Variants in RASSF2 observed in about 807,000 individuals in gnomAD.
The protein encoded by RASSF2 is Ras association domain family member 2.
In RASSF2, 34 loss-of-function variants were observed where a neutral mutation model predicts 46.3. The ratio of observed to expected loss-of-function variants is 0.73; its 90% confidence interval spans 0.56 to 0.98. RASSF2 has a LOEUF of 0.98. RASSF2 is among the 50% of genes least tolerant of loss of function. RASSF2 has a pLI of 0.00. For missense variants in RASSF2, 364 were observed against 431.2 expected, an observed-to-expected ratio of 0.84 and a Z score of 1.38; for synonymous variants, 158 against 162.5, an observed-to-expected ratio of 0.97 and a Z score of 0.21.
intron 2 of RASSF2, among the ~76,000 whole-genome samples, chr20:4,816,181 G>A (rs912291553): frequency 6.6e-6 from 1 of 152,034 alleles, no homozygotes; most frequent in Non-Finnish European, 1.5e-5. Context: ...TGCACCTGTA[G>A]TCCCAGCTAC....
rs1411888351 is a variant in RASSF2 at position 4,781,215 on chromosome 20, T to C, written c.*3058A>G. 1 of 118,718 alleles carries C rather than the reference T, an allele frequency of 8.4e-6. No homozygotes were observed. Among genetic ancestry groups the C allele is most frequent in the East Asian group, 2.6e-4 (1 of 3,840 alleles). 7.4% of individuals were successfully genotyped at this position (118,718 alleles called of 1,614,324 possible). ...GACTTCTTGTTGAGACTTTTTTGCA[T>C]GGAAAACAGATATTTTGGGGGGGGC... is the stretch of plus-strand genomic sequence containing the variant. On this transcript the variant is annotated 3_prime_UTR_variant, in exon 12 of 12. Coordinates refer to ENST00000379400, the MANE Select transcript of RASSF2 (RefSeq NM_014737.3).
chr20:4,821,950 C>T (rs906766174), intron 2 of RASSF2, among the ~76,000 whole-genome samples: 28 of 152,244 alleles, frequency 1.8e-4, no homozygotes, highest in Non-Finnish European at 3.8e-4. Flanking sequence ...AGGTAGATGT[C>T]ACACTGTGTC....
chr20:4,814,659 G>T (rs747340936), intron 2 of RASSF2, among the ~76,000 whole-genome samples: 1 of 152,152 alleles, frequency 6.6e-6, no homozygotes, highest in Non-Finnish European at 1.5e-5. Flanking sequence ...TGGTCGGGGC[G>T]GCAGTCATTG....
At chr20:4,807,625 C>A (rs901494926) in intron 2 of RASSF2, among the ~76,000 whole-genome samples, 1 of 152,192 alleles carries the variant, frequency 6.6e-6, no homozygotes, top group Non-Finnish European at 1.5e-5. Context: ...ATGGCCCCGA[C>A]TGTGGGAATT....
intron 2 of RASSF2, among the ~76,000 whole-genome samples, chr20:4,802,225 C>T (rs1179840791): frequency 6.6e-6 from 1 of 152,202 alleles, no homozygotes; most frequent in East Asian, 1.9e-4. Context: ...GTGTGCCCCA[C>T]CGCCCCTGGC....
At chr20:4,814,682 C>T (rs1267092062) in intron 2 of RASSF2, among the ~76,000 whole-genome samples, 3 of 152,178 alleles carry the variant, frequency 2.0e-5, no homozygotes, top group African/African-American at 7.2e-5. Context: ...GCATATCTGA[C>T]ATCCACCCTC....
rs1925765091 is a variant in RASSF2, at chr20:4,790,386, A to G, written c.537+65T>C. The G allele has an allele frequency of 7.2e-7, 1 of 1,384,334 alleles. No homozygotes were observed. The highest frequency in any genetic ancestry group is 1.9e-5 in the South Asian group (1 of 51,800). The allele number at this position is 1,384,334 out of a possible 1,614,324, so 85.8% of individuals were successfully genotyped here. The stretch of plus-strand genomic sequence containing the variant: ...TCCACACCACCCACCATATGGCTGT[A>G]GCCCTGAGGTGGCATCTACCCAGGA... On this transcript the variant is annotated intron_variant, in intron 7 of 11. Coordinates refer to ENST00000379400, the MANE Select transcript of RASSF2 (RefSeq NM_014737.3). This position sits in a 1 kb window ranked among gnomAD's most constrained non-coding sequence, Gnocchi z 4.3.
At chr20:4,814,621 T>A (rs778269432) in intron 2 of RASSF2, among the ~76,000 whole-genome samples, 1 of 152,100 alleles carries the variant, frequency 6.6e-6, no homozygotes, top group Non-Finnish European at 1.5e-5. Flanking sequence ...GCAAAGGAAG[T>A]GCCGGGTGTG....
intron 2 of RASSF2, among the ~76,000 whole-genome samples, chr20:4,804,906 G>A (rs1278186747): frequency 6.6e-6 from 1 of 152,124 alleles, no homozygotes; most frequent in African/African-American, 2.4e-5. Context: ...ACCTACGGAT[G>A]AGGGTGGGGT....
intron 2 of RASSF2, 148 bp downstream of exon 2, chr20:4,822,181 C>CA (rs1422975006): frequency 6.6e-6 from 1 of 152,192 alleles, no homozygotes; most frequent in Non-Finnish European, 1.5e-5. Flanking sequence ...TCTGTCTTCC[C>CA]GGCTGTTTAA....
chr20:4,819,066 G>A (rs964789742), intron 2 of RASSF2, among the ~76,000 whole-genome samples: 2 of 152,118 alleles, frequency 1.3e-5, no homozygotes, highest in African/African-American at 4.8e-5. Flanking sequence ...AGGTTCAAGC[G>A]ATTCTCCTGC....
At chr20:4,813,067 G>A (rs1456185444) in intron 2 of RASSF2, among the ~76,000 whole-genome samples, 1 of 152,128 alleles carries the variant, frequency 6.6e-6, no homozygotes, top group African/African-American at 2.4e-5. Context: ...CTGACTCTCA[G>A]TCCCTTATCA....
chr20:4,811,544 T>C (rs1430282050), intron 2 of RASSF2, among the ~76,000 whole-genome samples: 1 of 119,664 alleles, frequency 8.4e-6, no homozygotes. Context: ...CCACCATAGG[T>C]ATTTCAAAGC....
chr20:4,800,199 A>G (rs555559515), intron 3 of RASSF2, among the ~76,000 whole-genome samples: 1 of 152,310 alleles, frequency 6.6e-6, no homozygotes, highest in East Asian at 1.9e-4. Context: ...CATTAGCAAA[A>G]AGCCTGAGCT....
chr20:4,800,618 C>T (rs1451065091), intron 3 of RASSF2, among the ~76,000 whole-genome samples: 1 of 152,164 alleles, frequency 6.6e-6, no homozygotes, highest in Non-Finnish European at 1.5e-5. Flanking sequence ...GAAGTTTCCA[C>T]ATAGGAATTT....
intron 5 of RASSF2, among the ~76,000 whole-genome samples, chr20:4,794,682 C>T (rs1294605611): frequency 6.6e-6 from 1 of 152,146 alleles, no homozygotes; most frequent in Admixed American, 6.5e-5. Context: ...GCACTCCAGC[C>T]TGGGAAACAG....
chr20:4,809,808 A>C (rs962273452), intron 2 of RASSF2, among the ~76,000 whole-genome samples: 20 of 152,156 alleles, frequency 1.3e-4, no homozygotes, highest in Admixed American at 2.6e-4. Context: ...GTTCAGCTGG[A>C]GCCCAGCCAC....
chr20:4,814,433 ATTC>A (rs1340393174), intron 2 of RASSF2, among the ~76,000 whole-genome samples: 1 of 152,118 alleles, frequency 6.6e-6, no homozygotes, highest in Non-Finnish European at 1.5e-5. Context: ...GAACCCCAGC[ATTC>A]TTCCTTTTTT....
At chr20:4,800,263 G>A (rs1346857143) in intron 3 of RASSF2, among the ~76,000 whole-genome samples, 1 of 152,160 alleles carries the variant, frequency 6.6e-6, no homozygotes, top group East Asian at 1.9e-4. Flanking sequence ...TATTCAGAGG[G>A]CATTAGCCAG....
Sources: gnomAD v4.1 joint callset for allele counts (sites outside exome capture counted in the v4.1 genomes callset) on GRCh38, gnomAD v4.1.1 for gene constraint, Gnocchi (gnomAD v3.1) non-coding constraint, MANE v1.5 for transcripts, NCBI Gene and HGNC (gene_info 2026-07-23, HGNC 2026-07-21) for gene names.